Variants in MPHOSPH8 observed in about 807,000 individuals in gnomAD.
The protein encoded by MPHOSPH8 is M-phase phosphoprotein 8, also known as M-phase phosphoprotein, mpp.
In MPHOSPH8, 45 loss-of-function variants were observed where a neutral mutation model predicts 87.3. The ratio of observed to expected loss-of-function variants is 0.52; its 90% CI spans 0.41 to 0.66. The LOEUF is 0.66. Ranked by LOEUF, MPHOSPH8 falls within the 30% of genes least tolerant of loss-of-function variation. The pLI, the probability that MPHOSPH8 is intolerant of heterozygous loss-of-function variation, is 0.00. For missense variants in MPHOSPH8, 883 were observed against 1,020.2 expected, an observed-to-expected ratio of 0.87 and a Z score of 1.83; for synonymous variants, 366 against 376.9, an observed-to-expected ratio of 0.97 and a Z score of 0.33.
In MPHOSPH8 at chr13:19,646,798, CAAGAG is replaced by C; in HGVS notation, c.730_734del (p.Glu244SerfsTer5). 1 of 1,582,316 alleles carries C rather than the reference CAAGAG, an allele frequency of 6.3e-7. No individual in the cohort carries two copies. The highest frequency in any genetic ancestry group is 2.2e-5 in the East Asian group (1 of 44,590). On this transcript the variant is annotated frameshift_variant, in exon 3 of 14. Coordinates refer to ENST00000361479, the MANE Select transcript of MPHOSPH8 (RefSeq NM_017520.4). LOFTEE classifies it high-confidence loss of function. ...GAAATAAGAGATTTAAAGACGAAAACAAGAGAAGATCCCAAAGAAAATAGAAAAAC... is the reference window on the plus strand; with the variant it reads ...GAAATAAGAGATTTAAAGACGAAAACAAGATCCCAAAGAAAATAGAAAAAC...
At chr13:19,665,214 C>T (rs1417095765) in intron 9 of MPHOSPH8, among the ~76,000 whole-genome samples, 1 of 152,164 alleles carries the variant, frequency 6.6e-6, no homozygotes, top group Non-Finnish European at 1.5e-5. Context: ...CTGCCTTTAT[C>T]TGCCATGAGG....
chr13:19,651,761 AAAT>A (rs983023459), intron 5 of MPHOSPH8, among the ~76,000 whole-genome samples: 2 of 152,136 alleles, frequency 1.3e-5, no homozygotes, highest in Non-Finnish European at 2.9e-5. Context: ...CTTGGGAAAA[AAAT>A]AATGAGACTG....
intron 4 of MPHOSPH8, among the ~76,000 whole-genome samples, chr13:19,649,546 C>T (rs1344747696): frequency 1.3e-5 from 2 of 152,134 alleles, no homozygotes; most frequent in Non-Finnish European, 2.9e-5. Flanking sequence ...AAGCTGGTAG[C>T]GTCAGGTACA....
intron 10 of MPHOSPH8, among the ~76,000 whole-genome samples, chr13:19,667,504 G>A (rs978054628): frequency 6.6e-6 from 1 of 152,114 alleles, no homozygotes; most frequent in African/African-American, 2.4e-5. Context: ...TAAAAAGCCT[G>A]TGTTTTCCAC....
At chr13:19,654,451 ATG>A (rs951123733) in intron 5 of MPHOSPH8, among the ~76,000 whole-genome samples, 3 of 152,198 alleles carry the variant, frequency 2.0e-5, no homozygotes, top group African/African-American at 7.2e-5. Context: ...TGCTCTGCAC[ATG>A]TACCCCAGAA....
At chr13:19,671,385 TA>T (rs1157283760) in intron 13 of MPHOSPH8, 96 bp downstream of exon 13, 17 of 1,113,986 alleles carry the variant, frequency 1.5e-5, no homozygotes, top group African/African-American at 9.3e-5. Flanking sequence ...AATCCTGGTG[TA>T]CCTGTCCTAG....
At chr13:19,668,776 A>G (rs1301026817) in intron 11 of MPHOSPH8, among the ~76,000 whole-genome samples, 2 of 151,364 alleles carry the variant, frequency 1.3e-5, no homozygotes, top group African/African-American at 4.9e-5. Context: ...GTTCTCAATG[A>G]GTTTTATTAA....
At chr13:19,660,189 C>T (rs1593485276) in intron 7 of MPHOSPH8, among the ~76,000 whole-genome samples, 1 of 150,932 alleles carries the variant, frequency 6.6e-6, no homozygotes. Flanking sequence ...AGGATGGTCT[C>T]GATCTCCTGA....
chr13:19,640,095 TA>T (rs34181844), intron 1 of MPHOSPH8, among the ~76,000 whole-genome samples: 45 of 146,672 alleles, frequency 3.1e-4, no homozygotes, highest in African/African-American at 9.7e-4. Flanking sequence ...GACCCTGTCT[TA>T]AAAAAAAAAC....
rs893788740 is a variant in MPHOSPH8, at chr13:19,672,879, G to C, written c.*1004G>C. 2.9e-6 allele frequency: 1 copy of C among 348,598 alleles called. No homozygotes were observed. Among genetic ancestry groups the C allele is most frequent in the Admixed American group, 3.8e-5 (1 of 26,450 alleles). 21.6% of individuals were successfully genotyped at this position (348,598 alleles called of 1,614,324 possible). On this transcript the variant is annotated 3_prime_UTR_variant, in exon 14 of 14. Transcript: ENST00000361479. ...CTTTGGAGGCTGAGGTTGGAGGATT[G>C]CTTAAGTCCAGGAGTTCAAGACCAG...
At chr13:19,668,280 T>C (rs998917501) in intron 10 of MPHOSPH8, 97 bp from the exon 11 acceptor site, 5 of 1,083,834 alleles carry the variant, frequency 4.6e-6, no homozygotes, top group East Asian at 4.9e-5. Context: ...TGCAGGTCTT[T>C]GTTTGGAAGG....
chr13:19,650,047 C>A lies in MPHOSPH8; in HGVS notation c.1363C>A (p.Pro455Thr). The A allele has an allele frequency of 1.9e-6, 3 of 1,605,748 alleles. No homozygotes were observed. Among genetic ancestry groups the A allele is most frequent in the Non-Finnish European group, 2.6e-6 (3 of 1,176,130 alleles). Residue 455 changes from proline (P) to threonine (T), a missense_variant, in exon 5 of 14, where the codon CCA (proline) becomes ACA (threonine). Physicochemically the swap from Pro to Thr is conservative, Grantham distance 38. Coordinates refer to ENST00000361479, the MANE Select transcript of MPHOSPH8 (RefSeq NM_017520.4). Reference sequence around the variant, plus strand: ...TGCATTTGATTTATTTAAATTAACTCCAGAAGAAAAAAATGATGTTTCTGA... The same window carrying A: ...TGCATTTGATTTATTTAAATTAACTACAGAAGAAAAAAATGATGTTTCTGA... ...RNAFDLFKLTPEEKNDVSENN... is the reference protein window; with the variant it reads ...RNAFDLFKLTTEEKNDVSENN...
In MPHOSPH8 at chr13:19,642,105, T is replaced by C. The variant is rs1874325560; in HGVS notation, c.214-10T>C. 6.5e-7 allele frequency: 1 copy of C among 1,530,440 alleles called. No homozygotes were observed. 94.8% of individuals were successfully genotyped at this position (1,530,440 alleles called of 1,614,324 possible). A position where few individuals can be genotyped will look rare whatever the true frequency, so the allele number is the denominator to read the frequency against. Reference sequence around the variant, plus strand: ...CTGCTTTATTTGCCTCCTTTTATTTTCTATAACAGGGTAAAGTTCTTTACA... The same window carrying C: ...CTGCTTTATTTGCCTCCTTTTATTTCCTATAACAGGGTAAAGTTCTTTACA... On this transcript the variant is annotated splice_polypyrimidine_tract_variant and intron_variant, in intron 1 of 13. Transcript: ENST00000361479.
intron 1 of MPHOSPH8, among the ~76,000 whole-genome samples, chr13:19,640,944 T>C (rs1391115422): frequency 6.6e-6 from 1 of 152,218 alleles, no homozygotes; most frequent in Non-Finnish European, 1.5e-5. Flanking sequence ...ATTATCCTAA[T>C]GTTTTAAAAA....
chr13:19,645,875 ATTCTTAAGT>A (rs1874537282), intron 2 of MPHOSPH8, among the ~76,000 whole-genome samples: 1 of 152,000 alleles, frequency 6.6e-6, no homozygotes, highest in Non-Finnish European at 1.5e-5. Context: ...CGAGTACTTT[ATTCTTAAGT>A]TTCTTTTTTT....
intron 2 of MPHOSPH8, among the ~76,000 whole-genome samples, chr13:19,642,596 G>A (rs994388269): frequency 2.7e-5 from 4 of 150,816 alleles, no homozygotes; most frequent in African/African-American, 9.7e-5. Context: ...TGAGCAACTT[G>A]TTTTTGTATA....
intron 5 of MPHOSPH8, among the ~76,000 whole-genome samples, chr13:19,652,019 T>C (rs909590802): frequency 1.1e-4 from 17 of 152,040 alleles, no homozygotes; most frequent in Non-Finnish European, 1.5e-5. Flanking sequence ...GGAGAATCGC[T>C]TGAACCCAGG....
At chr13:19,656,988 G>A (rs1875216660) in intron 5 of MPHOSPH8, among the ~76,000 whole-genome samples, 1 of 149,948 alleles carries the variant, frequency 6.7e-6, no homozygotes, top group South Asian at 2.1e-4. Flanking sequence ...CAGTTGTGGT[G>A]GCATACGCCT....
intron 2 of MPHOSPH8, among the ~76,000 whole-genome samples, chr13:19,645,744 C>CAAA (rs71092387): frequency 2.6e-5 from 2 of 75,534 alleles, no homozygotes; most frequent in Non-Finnish European, 2.9e-5. Context: ...GACTCTGTCT[C>CAAA]AAAAAAAAAA....
Sources: allele counts gnomAD v4.1 joint callset (sites outside exome capture counted in the v4.1 genomes callset), GRCh38; gene constraint gnomAD v4.1.1; transcripts MANE v1.5; gene names NCBI Gene and HGNC (gene_info 2026-07-23, HGNC 2026-07-21).